Variants in SDCCAG8 observed in about 807,000 individuals in gnomAD.
SDCCAG8 encodes the protein SHH signaling and ciliogenesis regulator SDCCAG8.
A neutral mutation model predicts 101.8 loss-of-function variants in SDCCAG8; 74 were observed. The observed-to-expected ratio is 0.73, with a 90% CI of 0.60 to 0.88. The LOEUF is 0.88. Among genes scored for constraint, SDCCAG8 ranks in the 40% least tolerant of loss-of-function variants. The pLI is 0.00. For missense variants in SDCCAG8, 787 were observed against 822.6 expected (o/e 0.96, Z 0.53); for synonymous variants, 281 against 292.9 (o/e 0.96, Z 0.41).
At chr1:243,499,639 G>A in intron 17 of SDCCAG8, 117 bp from the exon 18 acceptor site, 2 of 825,006 alleles carry the variant, frequency 2.4e-6, no homozygotes, top group South Asian at 2.8e-5. Flanking sequence ...TTTAGCAACA[G>A]GTTTTTTTCT....
In SDCCAG8 at chr1:243,304,764, T is replaced by C. The variant is rs756533597; in HGVS notation, c.727T>C (p.Leu243=). The C allele has an allele frequency of 5.7e-6, 9 of 1,587,434 alleles. No individual in the cohort carries two copies. The Admixed American group carries it at 1.0e-4, about 18-fold the overall frequency. Reference sequence around the variant, plus strand: ...AAAGTGTGAAATTGAGGAATCCCAATTGAAGTTTTTGAGGTAAAGTGAAAT... The same window carrying C: ...AAAGTGTGAAATTGAGGAATCCCAACTGAAGTTTTTGAGGTAAAGTGAAAT... ...EEKCEIEESQ[L]KFLRNDLAEY... Residue 243 remains leucine (L), a synonymous_variant, in exon 7 of 18, where the codon TTG becomes CTG. Transcript: ENST00000366541.
intron 1 of SDCCAG8, among the ~76,000 whole-genome samples, chr1:243,266,436 C>T (rs1391636319): frequency 6.6e-6 from 1 of 151,942 alleles, no homozygotes; most frequent in African/African-American, 2.4e-5. Flanking sequence ...GTTGCCTCAG[C>T]CTCCCCAGCA....
chr1:243,307,402 A>G, intron 7 of SDCCAG8: 1 of 983,972 alleles, frequency 1.0e-6, no homozygotes, highest in Non-Finnish European at 1.2e-6. Context: ...TTTCTTTTGA[A>G]ACAGATCTTT....
intron 4 of SDCCAG8, among the ~76,000 whole-genome samples, chr1:243,283,908 T>A (rs2149281769): frequency 6.6e-6 from 1 of 151,764 alleles, no homozygotes; most frequent in East Asian, 1.9e-4. Flanking sequence ...CCCCGGCTAG[T>A]TTTTTTTGCA....
chr1:243,304,707 C>G lies in SDCCAG8; in HGVS notation c.676-6C>G, dbSNP rs749408172. The G allele has an allele frequency of 2.7e-6, 4 of 1,492,794 alleles. No individual in the cohort carries two copies. The highest frequency in any genetic ancestry group is 3.7e-6 in the Non-Finnish European group (4 of 1,070,038). 92.5% of individuals were successfully genotyped at this position (1,492,794 alleles called of 1,614,324 possible). On this transcript the variant is annotated splice_polypyrimidine_tract_variant and splice_region_variant and intron_variant, in intron 6 of 17. Transcript: ENST00000366541. ...AAAAATGTACTTCTATTTTTCTTTTCTATAGGAGAAGCTAAAACTTACTTA... is the reference window on the plus strand; with the variant it reads ...AAAAATGTACTTCTATTTTTCTTTTGTATAGGAGAAGCTAAAACTTACTTA...
chr1:243,310,306 T>G (rs1427956216), intron 8 of SDCCAG8, among the ~76,000 whole-genome samples: 1 of 152,196 alleles, frequency 6.6e-6, no homozygotes, highest in Non-Finnish European at 1.5e-5. Flanking sequence ...CTAAAAAATG[T>G]AGTAAACATT....
At chr1:243,391,834 G>A (rs1018722476) in intron 13 of SDCCAG8, among the ~76,000 whole-genome samples, 2 of 152,216 alleles carry the variant, frequency 1.3e-5, no homozygotes, top group Non-Finnish European at 2.9e-5. Flanking sequence ...TGCAGGAGGT[G>A]GGGGTGGTAG....
chr1:243,398,508 G>C (rs1433918657), intron 13 of SDCCAG8, among the ~76,000 whole-genome samples: 5 of 151,926 alleles, frequency 3.3e-5, no homozygotes, highest in African/African-American at 1.2e-4. Context: ...CACTTGTTAA[G>C]GAATTTTTAT....
rs901702407 is a variant in SDCCAG8 at position 243,341,287 on chromosome 1, G to C, written c.1356+114G>C. ...TCAGGAGGAAGTTTGGAGTAGAAAA[G>C]TTTTGTGATTTCAAGAATAATAAAA... On this transcript the variant is annotated intron_variant, in intron 11 of 17. Coordinates refer to ENST00000366541, the MANE Select transcript of SDCCAG8 (RefSeq NM_006642.5). 4 of 1,201,724 alleles carry C rather than the reference G, an allele frequency of 3.3e-6. No homozygotes were observed. In the African/African-American group the frequency reaches 6.1e-5, roughly 18 times the overall value. 74.4% of individuals were successfully genotyped at this position (1,201,724 alleles called of 1,614,324 possible). A position where few individuals can be genotyped will look rare whatever the true frequency, so the allele number is the denominator to read the frequency against.
At chr1:243,266,633 A>C (rs1214184228) in intron 1 of SDCCAG8, among the ~76,000 whole-genome samples, 1 of 151,948 alleles carries the variant, frequency 6.6e-6, no homozygotes, top group East Asian at 1.9e-4. Context: ...AATTTTTATG[A>C]GACAAAATAT....
chr1:243,496,563 G>T (rs1196316569), intron 17 of SDCCAG8, among the ~76,000 whole-genome samples: 1 of 152,258 alleles, frequency 6.6e-6, no homozygotes, highest in African/African-American at 2.4e-5. Context: ...GGAAGGGGTT[G>T]TTACCTTCAG....
chr1:243,441,372 T>G (rs919097987), intron 16 of SDCCAG8, among the ~76,000 whole-genome samples: 7 of 150,874 alleles, frequency 4.6e-5, no homozygotes, highest in African/African-American at 1.5e-4. Flanking sequence ...TTCTCTGCTA[T>G]TTTTTTATCT....
intron 8 of SDCCAG8, 86 bp downstream of exon 8, chr1:243,308,263 C>T (rs1341829722): frequency 7.5e-7 from 1 of 1,325,026 alleles, no homozygotes; most frequent in Admixed American, 1.7e-5. Flanking sequence ...TAGCCCTATG[C>T]TAAGTCACAT....
At chr1:243,402,154 G>A (rs1461367259) in intron 13 of SDCCAG8, among the ~76,000 whole-genome samples, 10 of 152,208 alleles carry the variant, frequency 6.6e-5, no homozygotes, top group South Asian at 2.1e-4. Flanking sequence ...GAGGCTGGGC[G>A]CGGTAGCTCA....
intron 16 of SDCCAG8, chr1:243,476,307 G>A: frequency 2.0e-6 from 2 of 985,478 alleles, no homozygotes; most frequent in Non-Finnish European, 2.4e-6. Context: ...GTAGCGGACG[G>A]CCAGGAGTTG....
chr1:243,316,928 CTTTT>C (rs559121131), intron 9 of SDCCAG8, 35 bp downstream of exon 9: 2 of 1,502,484 alleles, frequency 1.3e-6, no homozygotes, highest in African/African-American at 1.4e-5. Flanking sequence ...AAGTGTCTTT[CTTTT>C]TTTTTTCTTT....
chr1:243,478,956 C>CAAAAAAAAAAAAA (rs148382740), intron 16 of SDCCAG8, among the ~76,000 whole-genome samples: 60 of 94,676 alleles, frequency 6.3e-4, no homozygotes, highest in African/African-American at 1.1e-3. Context: ...GACTCTGTCT[C>CAAAAAAAAAAAAA]AAAAAAAAAA....
intron 7 of SDCCAG8, chr1:243,307,459 C>T: frequency 1.0e-6 from 1 of 983,354 alleles, no homozygotes; most frequent in Non-Finnish European, 1.2e-6. Flanking sequence ...GTAATGTTTT[C>T]CTCCTGAAGA....
At chr1:243,293,312 T>C (rs771554391) in intron 6 of SDCCAG8, 93 bp downstream of exon 6, 101 of 1,303,120 alleles carry the variant, frequency 7.8e-5, no homozygotes, top group Non-Finnish European at 1.0e-4. Flanking sequence ...TATAACAAAA[T>C]TTACCATTAT....
Sources: allele counts gnomAD v4.1 joint callset (sites outside exome capture counted in the v4.1 genomes callset), GRCh38; gene constraint gnomAD v4.1.1; transcripts MANE v1.5; gene names NCBI Gene and HGNC (gene_info 2026-07-23, HGNC 2026-07-21).